Variants in NT5DC1 observed in about 807,000 individuals in gnomAD.
NT5DC1 encodes the protein 5'-nucleotidase domain-containing protein 1.
A neutral mutation model predicts 59.4 loss-of-function variants in NT5DC1; 42 were observed. The observed-to-expected ratio is 0.71, with a 90% CI of 0.55 to 0.92. NT5DC1 has a LOEUF of 0.92. NT5DC1 is among the 40% of genes least tolerant of loss of function. The pLI, the probability that NT5DC1 is intolerant of heterozygous loss-of-function variation, is 0.00. For synonymous variants in NT5DC1, 172 were observed against 188.1 expected (o/e 0.91, Z 0.70); for missense variants, 501 against 537.1 (o/e 0.93, Z 0.66).
At chr6:116,144,102 G>T (rs996174743) in intron 6 of NT5DC1, among the ~76,000 whole-genome samples, 3 of 152,120 alleles carry the variant, frequency 2.0e-5, no homozygotes, top group African/African-American at 7.2e-5. Context: ...TATTGGTGGT[G>T]TCGGGTATTC....
At position 116,198,322 on chromosome 6, in the gene NT5DC1, A is replaced by G. The variant is rs151090668; in HGVS notation, c.530-22732A>G. ...CAATGTGGCCAGTAAATGATGGCTT[A>G]TATGGAGATAGGCCTTTCCTTTTCA... On this transcript the variant is annotated intron_variant, in intron 6 of 11. Coordinates refer to ENST00000319550, the MANE Select transcript of NT5DC1 (RefSeq NM_152729.3). Among the ~76,000 whole-genome samples, 528 of 152,206 alleles carry G rather than the reference A, an allele frequency of 3.5e-3. 2 individuals are homozygous for G. The highest frequency in any genetic ancestry group is 0.012 in the African/African-American group (497 of 41,562).
At position 116,110,675 on chromosome 6, in the gene NT5DC1, C is replaced by G. The variant is rs1778856437; in HGVS notation, c.258-175C>G. The G allele has an allele frequency of 5.8e-6, 4 of 687,574 alleles. No homozygotes were observed. The South Asian group carries it at 6.2e-5, about 11-fold the overall frequency. The allele number at this position is 687,574 out of a possible 1,614,324, so 42.6% of individuals were successfully genotyped here. ...GGATTAAAGCGGGTAAGTGCTACAG[C>G]TGCCCACAGAAATGCTTTACAGAAT... On this transcript the variant is annotated intron_variant, in intron 3 of 11. Transcript: ENST00000319550.
intron 4 of NT5DC1, among the ~76,000 whole-genome samples, chr6:116,113,196 A>C (rs1778911687): frequency 6.6e-6 from 1 of 152,178 alleles, no homozygotes; most frequent in Admixed American, 6.5e-5. Flanking sequence ...TTGCTGGATA[A>C]AGTGTCTCTG....
intron 11 of NT5DC1, 29 bp downstream of exon 11, chr6:116,239,152 A>C: frequency 6.6e-7 from 1 of 1,509,428 alleles, no homozygotes. Flanking sequence ...ATAAAGCTTC[A>C]CCTGTTACTA....
intron 6 of NT5DC1, among the ~76,000 whole-genome samples, chr6:116,171,136 A>G (rs939089925): frequency 1.3e-5 from 2 of 152,060 alleles, no homozygotes; most frequent in East Asian, 3.9e-4. Context: ...TAGGTGTTCC[A>G]TAAGTGATTG....
chr6:116,111,911 C>T (rs1373479352), intron 4 of NT5DC1, among the ~76,000 whole-genome samples: 2 of 152,158 alleles, frequency 1.3e-5, no homozygotes, highest in Non-Finnish European at 2.9e-5. Flanking sequence ...AAATGATGGT[C>T]GAGAACTGCT....
chr6:116,166,172 A>G (rs1039490004), intron 6 of NT5DC1, among the ~76,000 whole-genome samples: 1 of 152,120 alleles, frequency 6.6e-6, no homozygotes, highest in African/African-American at 2.4e-5. Flanking sequence ...AATCTCTGCG[A>G]GACTCTTGCT....
intron 6 of NT5DC1, among the ~76,000 whole-genome samples, chr6:116,214,166 C>T (rs1231156627): frequency 6.6e-6 from 1 of 152,034 alleles, no homozygotes; most frequent in African/African-American, 2.4e-5. Context: ...CATTTGACTC[C>T]AAAGTGTGTG....
rs1771843806 is a variant in NT5DC1, at chr6:116,246,207, T to A, written c.*2183T>A. On this transcript the variant is annotated 3_prime_UTR_variant, in exon 12 of 12. Transcript: ENST00000319550. ...TTCGCATACAGGCAAACATTCATAATCTAAAGGACACCTAAAAATAGATGT... is the reference window on the plus strand; with the variant it reads ...TTCGCATACAGGCAAACATTCATAAACTAAAGGACACCTAAAAATAGATGT... The A allele has an allele frequency of 1.3e-5, 2 of 152,096 alleles. No individual in the cohort carries two copies. The highest frequency in any genetic ancestry group is 1.3e-4 in the Admixed American group (2 of 15,276). The allele number at this position is 152,096 out of a possible 1,614,324, so 9.4% of individuals were successfully genotyped here.
chr6:116,129,594 C>T (rs112946082), intron 6 of NT5DC1, among the ~76,000 whole-genome samples: 56 of 152,324 alleles, frequency 3.7e-4, no homozygotes, highest in African/African-American at 1.3e-3. Context: ...CCATGCGATA[C>T]TACAGCATGA....
chr6:116,136,476 T>TA (rs397965325), intron 6 of NT5DC1, among the ~76,000 whole-genome samples: 26 of 151,880 alleles, frequency 1.7e-4, no homozygotes, highest in Admixed American at 6.6e-4. Flanking sequence ...GGGTTTTTTT[T>TA]AAAAGAAGAA....
chr6:116,121,514 T>C (rs779159900), intron 6 of NT5DC1: 2 of 1,614,084 alleles, frequency 1.2e-6, no homozygotes, highest in Non-Finnish European at 1.7e-6. Context: ...AAGACCCCTC[T>C]CACCTGGACG....
In NT5DC1 at chr6:116,143,830, A is replaced by T. The variant is rs145025943; in HGVS notation, c.529+25885A>T. ...CAAATCAAGAAAAATTAGGACTGTC[A>T]TTTATTGCAACATTGTCAAGTTTGT... On this transcript the variant is annotated intron_variant, in intron 6 of 11. Coordinates refer to ENST00000319550, the MANE Select transcript of NT5DC1 (RefSeq NM_152729.3). Among the ~76,000 whole-genome samples the T allele has an allele frequency of 5.9e-5, 9 of 152,260 alleles. No individual in the cohort carries two copies. In the East Asian group the frequency reaches 1.7e-3, roughly 29 times the overall value.
chr6:116,108,039 G>A (rs1650711552), intron 2 of NT5DC1, among the ~76,000 whole-genome samples: 1 of 151,998 alleles, frequency 6.6e-6, no homozygotes, highest in African/African-American at 2.4e-5. Context: ...GAAAACATTT[G>A]TACATTTTAA....
intron 6 of NT5DC1, among the ~76,000 whole-genome samples, chr6:116,216,348 C>T (rs1781687222): frequency 6.6e-6 from 1 of 151,194 alleles, no homozygotes; most frequent in South Asian, 2.1e-4. Context: ...TTTAGGTCAA[C>T]AAGTCTTAAT....
intron 6 of NT5DC1, among the ~76,000 whole-genome samples, chr6:116,133,583 C>T (rs193167596): frequency 4.6e-4 from 70 of 152,236 alleles, no homozygotes; most frequent in African/African-American, 1.4e-3. Context: ...ATCGTCAAAA[C>T]GGATACTTAT....
intron 6 of NT5DC1, among the ~76,000 whole-genome samples, chr6:116,146,960 A>G (rs1779912886): frequency 6.8e-6 from 1 of 147,886 alleles, no homozygotes; most frequent in Non-Finnish European, 1.5e-5. Context: ...ACCAGTAGAA[A>G]AGGTAGGGGA....
intron 6 of NT5DC1, among the ~76,000 whole-genome samples, chr6:116,141,549 G>A (rs978503493): frequency 2.6e-5 from 4 of 151,834 alleles, no homozygotes; most frequent in Non-Finnish European, 4.4e-5. Context: ...TGTGAATGAT[G>A]GTAGAGAATG....
intron 6 of NT5DC1, chr6:116,118,153 T>A: frequency 6.9e-6 from 4 of 579,552 alleles, no homozygotes; most frequent in Non-Finnish European, 9.4e-6. Flanking sequence ...TATTCCAAGC[T>A]GTGCTGTTAC....
Sources: gnomAD v4.1 joint callset for allele counts (sites outside exome capture counted in the v4.1 genomes callset) on GRCh38, gnomAD v4.1.1 for gene constraint, MANE v1.5 for transcripts, NCBI Gene and HGNC (gene_info 2026-07-23, HGNC 2026-07-21) for gene names.